The following ZKSCAN1 variants were observed in gnomAD, a reference collection of about 807,000 sequenced individuals.
ZKSCAN1 encodes zinc finger protein with KRAB and SCAN domains 1.
In ZKSCAN1, 14 loss-of-function variants were observed where a neutral mutation model predicts 51.6. That is an observed-to-expected ratio of 0.27 (90% CI 0.18 to 0.42). The LOEUF is 0.42. Among genes scored for constraint, ZKSCAN1 ranks in the 10% least tolerant of loss-of-function variants. The pLI is 1.00. For missense variants in ZKSCAN1, 531 were observed against 710.0 expected (o/e 0.75, Z 2.86); for synonymous variants, 263 against 261.5 (o/e 1.01, Z -0.06).
Position 100,035,945 on chromosome 7 carries a change from A to G in ZKSCAN1, c.*1748A>G. ...CCTGCGGAAACAGAAACATAGACTG[A>G]GAACAAACCTCAAGACTATCAGTGT... On this transcript the variant is annotated 3_prime_UTR_variant, in exon 6 of 6. Transcript: ENST00000324306. The G allele has an allele frequency of 1.0e-6, 1 of 985,476 alleles. No individual in the cohort carries two copies. Among genetic ancestry groups the G allele is most frequent in the African/African-American group, 1.7e-5 (1 of 57,362 alleles). The allele number at this position is 985,476 out of a possible 1,614,324, so 61.0% of individuals were successfully genotyped here.
intron 1 of ZKSCAN1, among the ~76,000 whole-genome samples, chr7:100,017,624 T>A (rs1790423295): frequency 6.6e-6 from 1 of 152,228 alleles, no homozygotes; most frequent in South Asian, 2.1e-4. Context: ...AGAAAATCAT[T>A]TCTGTTTATC....
Position 100,034,386 on chromosome 7 carries a change from A to G in ZKSCAN1, c.*189A>G, listed in dbSNP as rs1338239176. The G allele has an allele frequency of 4.5e-6, 6 of 1,335,070 alleles. No homozygotes were observed. The Admixed American group carries it at 1.4e-4, about 32-fold the overall frequency. The allele number at this position is 1,335,070 out of a possible 1,614,324, so 82.7% of individuals were successfully genotyped here. A position where few individuals can be genotyped will look rare whatever the true frequency, so the allele number is the denominator to read the frequency against. Reference sequence around the variant, plus strand: ...GTAGTTGGGCATATAATCCTTCCACACAGCCCCTGCAGGGAAAGGCTAATC... The same window carrying G: ...GTAGTTGGGCATATAATCCTTCCACGCAGCCCCTGCAGGGAAAGGCTAATC... On this transcript the variant is annotated 3_prime_UTR_variant, in exon 6 of 6. Coordinates refer to ENST00000324306, the MANE Select transcript of ZKSCAN1 (RefSeq NM_003439.4).
chr7:100,019,839 C>A (rs1227311996), intron 1 of ZKSCAN1, among the ~76,000 whole-genome samples: 1 of 152,006 alleles, frequency 6.6e-6, no homozygotes, highest in Non-Finnish European at 1.5e-5. Flanking sequence ...GTAGCTGGGA[C>A]TACAGGCATT....
chr7:100,017,257 C>T (rs1220606499), intron 1 of ZKSCAN1, among the ~76,000 whole-genome samples: 2 of 151,766 alleles, frequency 1.3e-5, no homozygotes, highest in Admixed American at 6.6e-5. Context: ...GAGTCTTGCT[C>T]TGTCGCCCAG....
At position 100,037,031 on chromosome 7, in the gene ZKSCAN1, C is replaced by A. The variant is rs1791393350; in HGVS notation, c.*2834C>A. On this transcript the variant is annotated 3_prime_UTR_variant, in exon 6 of 6. Transcript: ENST00000324306. ...CAGCCACATGCTGTCCTTGAAGCAG[C>A]TATTTGAAGATGTGTTTTCTGAGGA... The A allele has an allele frequency of 2.7e-5, 27 of 985,268 alleles. No individual in the cohort carries two copies. Among genetic ancestry groups the A allele is most frequent in the Non-Finnish European group, 3.1e-5 (26 of 829,942 alleles). 61.0% of individuals were successfully genotyped at this position (985,268 alleles called of 1,614,324 possible).
chr7:100,031,382 A>G (rs1791099041), intron 5 of ZKSCAN1, among the ~76,000 whole-genome samples: 1 of 149,370 alleles, frequency 6.7e-6, no homozygotes, highest in Non-Finnish European at 1.5e-5. Flanking sequence ...GGCTCAAGCA[A>G]TCCTCCCACC....
At chr7:100,027,410 A>G (rs780167800) in intron 3 of ZKSCAN1, among the ~76,000 whole-genome samples, 1 of 152,108 alleles carries the variant, frequency 6.6e-6, no homozygotes, top group Non-Finnish European at 1.5e-5. Context: ...TCTTCCGTGC[A>G]TCCTGGAGGA....
At chr7:100,021,574 A>G (rs1404353201) in intron 1 of ZKSCAN1, among the ~76,000 whole-genome samples, 1 of 151,934 alleles carries the variant, frequency 6.6e-6, no homozygotes, top group East Asian at 1.9e-4. Flanking sequence ...GAAGCTGATT[A>G]CTCATTGGTG....
chr7:100,028,494 C>CA (rs1039386278), intron 3 of ZKSCAN1, among the ~76,000 whole-genome samples: 2 of 152,114 alleles, frequency 1.3e-5, no homozygotes, highest in African/African-American at 4.8e-5. Flanking sequence ...ACCTGGGTGA[C>CA]AGAGAGCCTA....
rs776867082 is a variant in ZKSCAN1 at position 100,023,537 on chromosome 7, G to A, written c.31G>A (p.Gly11Ser). Residue 11 changes from glycine to serine, a missense_variant, in exon 2 of 6, where the codon GGT (glycine) becomes AGT (serine). Around this residue, in one of 2 missense-constraint regions of ZKSCAN1, gnomAD observed 403 missense variants for 490.5 expected, o/e 0.82. Coordinates refer to ENST00000324306, the MANE Select transcript of ZKSCAN1 (RefSeq NM_003439.4). MMTAESREATGLSPQAAQEKD... is the reference protein window; with the variant it reads MMTAESREATSLSPQAAQEKD... The stretch of plus-strand genomic sequence containing the variant: ...GACTGCTGAATCACGGGAAGCCACG[G>A]GTCTGTCCCCACAGGCTGCACAGGA... 1 of 1,612,702 alleles carries A rather than the reference G, an allele frequency of 6.2e-7. No homozygotes were observed. Among genetic ancestry groups the A allele is most frequent in the Admixed American group, 1.7e-5 (1 of 59,966 alleles).
At chr7:100,023,098 C>T (rs1306127814) in intron 1 of ZKSCAN1, among the ~76,000 whole-genome samples, 1 of 152,054 alleles carries the variant, frequency 6.6e-6, no homozygotes, top group East Asian at 1.9e-4. Context: ...ACAACCTCCA[C>T]CTCCTGGGTT....
chr7:100,043,875 C>T (rs111812852), downstream of ZKSCAN1, among the ~76,000 whole-genome samples: 879 of 132,446 alleles, frequency 6.6e-3, 12 homozygotes, highest in African/African-American at 0.023. Flanking sequence ...CCCCTGGGTT[C>T]AAGTGATTCT....
In ZKSCAN1 at chr7:100,037,292, A is replaced by T. The variant is rs1791406549; in HGVS notation, c.*3095A>T. On this transcript the variant is annotated 3_prime_UTR_variant, in exon 6 of 6. Coordinates refer to ENST00000324306, the MANE Select transcript of ZKSCAN1 (RefSeq NM_003439.4). Reference sequence around the variant, plus strand: ...ATTTTTGAAGAGTTTTTCAATATATACCCTACCCTTGCCAGGAAGAGAAGT... The same window carrying T: ...ATTTTTGAAGAGTTTTTCAATATATTCCCTACCCTTGCCAGGAAGAGAAGT... The T allele has an allele frequency of 1.0e-6, 1 of 985,244 alleles. No individual in the cohort carries two copies. The highest frequency in any genetic ancestry group is 1.1e-4 in the East Asian group (1 of 8,822). 61.0% of individuals were successfully genotyped at this position (985,244 alleles called of 1,614,324 possible). A position where few individuals can be genotyped will look rare whatever the true frequency, so the allele number is the denominator to read the frequency against.
At chr7:100,016,816 G>A (rs1562813669) in intron 1 of ZKSCAN1, 1 of 152,140 alleles carries the variant, frequency 6.6e-6, no homozygotes, top group Non-Finnish European at 1.5e-5. Context: ...GAATTGTGGA[G>A]AATTCATTGT....
downstream of ZKSCAN1, chr7:100,041,777 C>T (rs4727445): frequency 0.28 from 270,647 of 977,504 alleles, 39,029 homozygotes; most frequent in Middle Eastern, 0.49. Flanking sequence ...AAAAAGTATT[C>T]CAAAGTTAAA....
At position 100,038,377 on chromosome 7, in the gene ZKSCAN1, GA is replaced by G. The variant is rs1291798175; in HGVS notation, c.*4184del. 1.0e-6 allele frequency: 1 copy of G among 985,358 alleles called. No individual in the cohort carries two copies. Among genetic ancestry groups the G allele is most frequent in the Non-Finnish European group, 1.2e-6 (1 of 829,952 alleles). The allele number at this position is 985,358 out of a possible 1,614,324, so 61.0% of individuals were successfully genotyped here. The stretch of plus-strand genomic sequence containing the variant: ...GAACGGAGCAGCGGGGAGAGGAAGG[GA>G]AAAGCTTCATAGTTTGGTGCTTATC... On this transcript the variant is annotated 3_prime_UTR_variant, in exon 6 of 6. Coordinates refer to ENST00000324306, the MANE Select transcript of ZKSCAN1 (RefSeq NM_003439.4).
intron 1 of ZKSCAN1, among the ~76,000 whole-genome samples, chr7:100,023,101 C>T (rs1790658042): frequency 1.3e-5 from 2 of 152,100 alleles, no homozygotes; most frequent in African/African-American, 4.8e-5. Flanking sequence ...ACCTCCACCT[C>T]CTGGGTTCAA....
chr7:100,020,041 C>T (rs1477835033), intron 1 of ZKSCAN1, among the ~76,000 whole-genome samples: 1 of 152,162 alleles, frequency 6.6e-6, no homozygotes, highest in Non-Finnish European at 1.5e-5. Flanking sequence ...AGTGTAGCTA[C>T]CTGCTAAGAT....
At chr7:100,020,196 TA>T (rs1398321712) in intron 1 of ZKSCAN1, among the ~76,000 whole-genome samples, 3 of 152,002 alleles carry the variant, frequency 2.0e-5, no homozygotes, top group Non-Finnish European at 4.4e-5. Context: ...AAAGGTTAAG[TA>T]GGATTTGAAA....
Sources: gnomAD v4.1 joint callset for allele counts (sites outside exome capture counted in the v4.1 genomes callset) on GRCh38, gnomAD v4.1.1 for gene constraint, gnomAD v4.1.1 regional missense constraint, MANE v1.5 for transcripts, NCBI Gene and HGNC (gene_info 2026-07-23, HGNC 2026-07-21) for gene names.